RBM20: variants seen among roughly 807,000 people sequenced by gnomAD.
RBM20 encodes RNA binding motif protein 20.
Under a neutral mutation model 110.1 loss-of-function variants are expected in RBM20, and 51 were observed. The ratio of observed to expected loss-of-function variants is 0.46; its 90% CI spans 0.37 to 0.59. The LOEUF is 0.59. RBM20 is among the 20% of genes least tolerant of loss of function. The probability of loss-of-function intolerance (pLI) is 0.00; values close to 1 mark genes in which losing one functional copy is unlikely to be tolerated. For synonymous variants in RBM20, 589 were observed against 618.2 expected, an observed-to-expected ratio of 0.95 and a Z score of 0.70; for missense variants, 1,512 against 1,574.9, an observed-to-expected ratio of 0.96 and a Z score of 0.68.
intron 1 of RBM20, among the ~76,000 whole-genome samples, chr10:110,698,694 C>T (rs1461361774): frequency 2.0e-5 from 3 of 152,214 alleles, no homozygotes; most frequent in African/African-American, 7.2e-5. Flanking sequence ...GCTCCATAGA[C>T]AGCCTAGGGT....
At chr10:110,705,559 T>A (rs1862824080) in intron 1 of RBM20, among the ~76,000 whole-genome samples, 1 of 152,236 alleles carries the variant, frequency 6.6e-6, no homozygotes, top group South Asian at 2.1e-4. Flanking sequence ...TTTCTAAATC[T>A]GTGTGTGTAG....
At chr10:110,758,331 C>T (rs1396686424) in intron 1 of RBM20, among the ~76,000 whole-genome samples, 1 of 152,004 alleles carries the variant, frequency 6.6e-6, no homozygotes, top group East Asian at 1.9e-4. Flanking sequence ...ATCCCTGTTC[C>T]TATGGAGCTT....
chr10:110,817,231 CA>C (rs1844851613), intron 9 of RBM20, among the ~76,000 whole-genome samples: 1 of 152,178 alleles, frequency 6.6e-6, no homozygotes, highest in Non-Finnish European at 1.5e-5. Context: ...AGCTACTGCT[CA>C]GCTCCATTCT....
chr10:110,786,601 G>A (rs764776618), intron 5 of RBM20, among the ~76,000 whole-genome samples: 6 of 152,220 alleles, frequency 3.9e-5, no homozygotes, highest in Non-Finnish European at 5.9e-5. Flanking sequence ...CACTCTGCTC[G>A]CTCAGAGCCA....
At chr10:110,660,540 G>A (rs561649596) in intron 1 of RBM20, among the ~76,000 whole-genome samples, 118 of 152,252 alleles carry the variant, frequency 7.8e-4, no homozygotes, top group African/African-American at 2.7e-3. Context: ...TCCATCACTC[G>A]CATTACTGCC....
chr10:110,743,584 C>T (rs995838156), intron 1 of RBM20, among the ~76,000 whole-genome samples: 1 of 152,000 alleles, frequency 6.6e-6, no homozygotes, highest in South Asian at 2.1e-4. Context: ...CACACACATG[C>T]ATGCATGCAT....
At chr10:110,741,054 G>A (rs916711336) in intron 1 of RBM20, among the ~76,000 whole-genome samples, 4 of 152,106 alleles carry the variant, frequency 2.6e-5, no homozygotes, top group Non-Finnish European at 5.9e-5. Flanking sequence ...GATTCAAGAT[G>A]GCAATTCTCA....
At chr10:110,738,855 G>C (rs962056357) in intron 1 of RBM20, among the ~76,000 whole-genome samples, 6 of 151,634 alleles carry the variant, frequency 4.0e-5, no homozygotes, top group African/African-American at 1.5e-4. Context: ...CAGCCTTTGT[G>C]CCTGTGATGG....
intron 7 of RBM20, among the ~76,000 whole-genome samples, chr10:110,801,700 CTT>C (rs61281177): frequency 1.7e-5 from 2 of 116,754 alleles, no homozygotes; most frequent in Non-Finnish European, 3.4e-5. Flanking sequence ...TGCCTGGCTA[CTT>C]TTTTTTTTTT....
intron 13 of RBM20, among the ~76,000 whole-genome samples, chr10:110,832,621 C>T (rs1845071563): frequency 6.6e-6 from 1 of 152,134 alleles, no homozygotes; most frequent in Admixed American, 6.5e-5. Flanking sequence ...TATAATTCAT[C>T]CAAGTCCACA....
In RBM20 at chr10:110,836,341, G is replaced by A. The variant is rs1845128695; in HGVS notation, c.*363G>A. 1 of 162,914 alleles carries A rather than the reference G, an allele frequency of 6.1e-6. No homozygotes were observed. The highest frequency in any genetic ancestry group is 1.3e-5 in the Non-Finnish European group (1 of 75,136). 10.1% of individuals were successfully genotyped at this position (162,914 alleles called of 1,614,324 possible). A position where few individuals can be genotyped will look rare whatever the true frequency, so the allele number is the denominator to read the frequency against. On this transcript the variant is annotated 3_prime_UTR_variant, in exon 14 of 14. Coordinates refer to ENST00000369519, the MANE Select transcript of RBM20 (RefSeq NM_001134363.3). ...ACCCAACTTCTCAGGGATTTTCACA[G>A]TGTTTAAATTCTTGGTAGGATATAA...
chr10:110,807,922 A>T (rs1844715532), intron 7 of RBM20, among the ~76,000 whole-genome samples: 4 of 152,082 alleles, frequency 2.6e-5, no homozygotes. Flanking sequence ...TTTGGGAGGG[A>T]CCCGGGGTGT....
intron 1 of RBM20, among the ~76,000 whole-genome samples, chr10:110,747,671 G>A (rs1473499213): frequency 2.0e-5 from 3 of 152,190 alleles, no homozygotes; most frequent in Non-Finnish European, 2.9e-5. Flanking sequence ...GGGACCAAAA[G>A]TAAGTGATGC....
chr10:110,678,427 A>G (rs1590611676), intron 1 of RBM20, among the ~76,000 whole-genome samples: 1 of 152,260 alleles, frequency 6.6e-6, no homozygotes, highest in Non-Finnish European at 1.5e-5. Context: ...TGATTAAAGC[A>G]GCATCATGCC....
intron 7 of RBM20, among the ~76,000 whole-genome samples, chr10:110,805,012 G>A (rs1039282788): frequency 5.9e-5 from 9 of 152,210 alleles, no homozygotes; most frequent in Non-Finnish European, 1.3e-4. Context: ...GCCCTGGGAA[G>A]CAGTCTTGTG....
At chr10:110,713,394 T>G (rs73356927) in intron 1 of RBM20, among the ~76,000 whole-genome samples, 4,835 of 152,262 alleles carry the variant, frequency 0.032, 189 homozygotes, top group Admixed American at 0.084. Flanking sequence ...GAACATGGCT[T>G]GAGTGATATC....
rs869097612 is a variant in RBM20 at position 110,752,943 on chromosome 10, ATATT to A, written c.192-27856_192-27853del. On this transcript the variant is annotated intron_variant, in intron 1 of 13. Transcript: ENST00000369519. ...TACATATATATATATATATATATAT[ATATT>A]TTTTTTTTTTTTATGAAGTCTCCCT... Among the ~76,000 whole-genome samples, 855 of 94,992 alleles carry A rather than the reference ATATT, an allele frequency of 9.0e-3. 3 individuals are homozygous for A. Among genetic ancestry groups the A allele is most frequent in the South Asian group, 0.018 (54 of 2,928 alleles). The allele number at this position is 94,992 out of a possible 152,430, so 62.3% of individuals were successfully genotyped here. A position where few individuals can be genotyped will look rare whatever the true frequency, so the allele number is the denominator to read the frequency against.
intron 1 of RBM20, among the ~76,000 whole-genome samples, chr10:110,665,544 T>C (rs555850090): frequency 6.6e-6 from 1 of 152,286 alleles, no homozygotes; most frequent in African/African-American, 2.4e-5. Flanking sequence ...GGGTTATCTG[T>C]AGATTAAAAA....
Position 110,838,635 on chromosome 10 carries a change from A to C in RBM20, c.*2657A>C. 4 of 151,328 alleles carry C rather than the reference A, an allele frequency of 2.6e-5. No individual in the cohort carries two copies. Among genetic ancestry groups the C allele is most frequent in the South Asian group, 2.1e-4 (1 of 4,782 alleles). The allele number at this position is 151,328 out of a possible 1,614,324, so 9.4% of individuals were successfully genotyped here. A position where few individuals can be genotyped will look rare whatever the true frequency, so the allele number is the denominator to read the frequency against. On this transcript the variant is annotated 3_prime_UTR_variant, in exon 14 of 14. Coordinates refer to ENST00000369519, the MANE Select transcript of RBM20 (RefSeq NM_001134363.3). ...AGATTTTACCAGCTCATTCCACTCC[A>C]CCCTGGCCTTCCCCCACCCCCCATC...
Sources: allele counts gnomAD v4.1 joint callset (sites outside exome capture counted in the v4.1 genomes callset), GRCh38; gene constraint gnomAD v4.1.1; transcripts MANE v1.5; gene names NCBI Gene and HGNC (gene_info 2026-07-23, HGNC 2026-07-21).